Variants in FRAS1 observed in about 807,000 individuals in gnomAD.
The protein encoded by FRAS1 is Fraser extracellular matrix complex subunit 1, also known as extracellular matrix organizing protein FRAS1.
Under a neutral mutation model 435.2 loss-of-function variants are expected in FRAS1, and 290 were observed. The ratio of observed to expected loss-of-function variants is 0.67; its 90% CI spans 0.61 to 0.73. FRAS1 has a LOEUF of 0.73. FRAS1 is among the 30% of genes least tolerant of loss of function. The pLI, the probability that FRAS1 is intolerant of heterozygous loss-of-function variation, is 0.00. For missense variants in FRAS1, 4,860 were observed against 5,001.5 expected, an observed-to-expected ratio of 0.97 and a Z score of 0.85; for synonymous variants, 1,800 against 1,851.0, an observed-to-expected ratio of 0.97 and a Z score of 0.71.
In FRAS1 at chr4:78,282,875, A is replaced by G. The variant is rs1327981161; in HGVS notation, c.1163A>G (p.Gln388Arg). 2 of 1,612,874 alleles carry G rather than the reference A, an allele frequency of 1.2e-6. No individual in the cohort carries two copies. Among genetic ancestry groups the G allele is most frequent in the Non-Finnish European group, 1.7e-6 (2 of 1,179,592 alleles). The change falls in exon 12 of 74, where the codon CAG becomes CGG. Residue 388 changes from glutamine to arginine, a missense_variant. Gln to Arg is a conservative substitution (Grantham distance 43, BLOSUM62 1). Transcript: ENST00000512123. ...PCKVCECRGAQVTCYEPSCPP... is the reference protein window; with the variant it reads ...PCKVCECRGARVTCYEPSCPP... Reference sequence around the variant, plus strand: ...AAGGTGTGTGAGTGCCGAGGGGCTCAGGTAACTTGCTACGAGCCCTCTTGC... The same window carrying G: ...AAGGTGTGTGAGTGCCGAGGGGCTCGGGTAACTTGCTACGAGCCCTCTTGC...
intron 30 of FRAS1, among the ~76,000 whole-genome samples, chr4:78,404,635 C>T (rs1733031748): frequency 1.3e-5 from 2 of 152,162 alleles, no homozygotes; most frequent in African/African-American, 2.4e-5. Flanking sequence ...TCGTTGATGC[C>T]TTCCTCTGTC....
intron 2 of FRAS1, among the ~76,000 whole-genome samples, chr4:78,078,742 CTGAGAA>C (rs1256971176): frequency 6.6e-6 from 1 of 151,886 alleles, no homozygotes. Flanking sequence ...ATTAAAGTGG[CTGAGAA>C]TAAGAATAGA....
At chr4:78,365,881 C>G (rs978326598) in intron 22 of FRAS1, among the ~76,000 whole-genome samples, 2 of 151,440 alleles carry the variant, frequency 1.3e-5, no homozygotes, top group Non-Finnish European at 2.9e-5. Flanking sequence ...AGGTGAATCG[C>G]TTGAACCTGG....
At chr4:78,097,298 T>C (rs1415930628) in intron 2 of FRAS1, among the ~76,000 whole-genome samples, 1 of 152,180 alleles carries the variant, frequency 6.6e-6, no homozygotes, top group Non-Finnish European at 1.5e-5. Context: ...TTCCAAACTT[T>C]CTCACATTTT....
intron 31 of FRAS1, among the ~76,000 whole-genome samples, chr4:78,408,637 A>AAACT (rs1458600220): frequency 5.3e-5 from 8 of 152,228 alleles, no homozygotes; most frequent in African/African-American, 1.9e-4. Flanking sequence ...TACTTGAGAA[A>AAACT]AACTTCTGTG....
At chr4:78,239,521 A>T (rs1001782457) in intron 3 of FRAS1, among the ~76,000 whole-genome samples, 6 of 152,162 alleles carry the variant, frequency 3.9e-5, no homozygotes, top group Non-Finnish European at 8.8e-5. Context: ...AATTGAACTC[A>T]GATCATGTTG....
chr4:78,073,135 C>G (rs1281528617), intron 2 of FRAS1, among the ~76,000 whole-genome samples: 1 of 152,132 alleles, frequency 6.6e-6, no homozygotes, highest in Non-Finnish European at 1.5e-5. Flanking sequence ...CTAGCTGTCT[C>G]TGAGAATTTT....
chr4:78,189,869 G>A lies in FRAS1; in HGVS notation c.109-47641G>A, dbSNP rs116891179. 7.8e-3 allele frequency among the ~76,000 whole-genome samples: 1,180 copies of A among 152,212 alleles called. 15 individuals are homozygous for A. The highest frequency in any genetic ancestry group is 0.027 in the Middle Eastern group (8 of 294). ...ATATAATTTTTGGCTAAAGCCAAAT[G>A]TCTCATAGTTGTTTCTAATTCTACC... is the stretch of plus-strand genomic sequence containing the variant. On this transcript the variant is annotated intron_variant, in intron 2 of 73. Coordinates refer to ENST00000512123, the MANE Select transcript of FRAS1 (RefSeq NM_025074.7).
chr4:78,153,828 T>C (rs1209169224), intron 2 of FRAS1, among the ~76,000 whole-genome samples: 1 of 152,240 alleles, frequency 6.6e-6, no homozygotes, highest in Admixed American at 6.5e-5. Flanking sequence ...TCCCTTGTCA[T>C]ATTCTGTGAA....
At position 78,158,267 on chromosome 4, in the gene FRAS1, G is replaced by T. The variant is rs11724842; in HGVS notation, c.109-79243G>T. Among the ~76,000 whole-genome samples, 1,520 of 152,222 alleles carry T rather than the reference G, an allele frequency of 1.0e-2. 28 individuals carry two copies. Among genetic ancestry groups the T allele is most frequent in the African/African-American group, 0.035 (1,434 of 41,526 alleles). ...GCATTCAATCTGTGGCTTGCTTTGC[G>T]CAGTATGGCCATTTTAATGATTTTG... On this transcript the variant is annotated intron_variant, in intron 2 of 73. Coordinates refer to ENST00000512123, the MANE Select transcript of FRAS1 (RefSeq NM_025074.7).
At chr4:78,478,104 A>G in intron 55 of FRAS1, 43 bp downstream of exon 55, 6 of 1,527,120 alleles carry the variant, frequency 3.9e-6, no homozygotes, top group Non-Finnish European at 4.4e-6. Flanking sequence ...AATAATTGCT[A>G]ACATTTATTG....
chr4:78,263,992 T>C (rs916896769), intron 6 of FRAS1, among the ~76,000 whole-genome samples: 1 of 152,190 alleles, frequency 6.6e-6, no homozygotes, highest in African/African-American at 2.4e-5. Context: ...GCAGCATGAA[T>C]ACCAGAGTAA....
chr4:78,411,975 G>A (rs1322351880), intron 31 of FRAS1, among the ~76,000 whole-genome samples: 2 of 152,160 alleles, frequency 1.3e-5, no homozygotes, highest in Non-Finnish European at 2.9e-5. Context: ...TATCTACTCT[G>A]TGGATACTAA....
At chr4:78,294,991 T>C (rs1362904982) in intron 14 of FRAS1, among the ~76,000 whole-genome samples, 2 of 152,220 alleles carry the variant, frequency 1.3e-5, no homozygotes. Context: ...TCTTTTTGTG[T>C]GTCTATACAC....
chr4:78,157,198 A>G (rs1244427722), intron 2 of FRAS1, among the ~76,000 whole-genome samples: 1 of 152,176 alleles, frequency 6.6e-6, no homozygotes, highest in Non-Finnish European at 1.5e-5. Context: ...ATATACATAT[A>G]TCACATTTTC....
intron 9 of FRAS1, among the ~76,000 whole-genome samples, chr4:78,273,923 G>A (rs367783537): frequency 7.9e-5 from 12 of 152,192 alleles, no homozygotes; most frequent in African/African-American, 2.6e-4. Context: ...GGTAGAATTC[G>A]GCTGTGAATC....
intron 13 of FRAS1, among the ~76,000 whole-genome samples, chr4:78,285,844 A>T (rs1386545346): frequency 1.3e-5 from 2 of 152,194 alleles, no homozygotes; most frequent in Non-Finnish European, 2.9e-5. Context: ...GATGTCTAGG[A>T]TACAGTGAAG....
At chr4:78,222,382 A>C (rs754876296) in intron 2 of FRAS1, among the ~76,000 whole-genome samples, 2 of 152,162 alleles carry the variant, frequency 1.3e-5, no homozygotes, top group Non-Finnish European at 2.9e-5. Context: ...ACTTCCCCAG[A>C]AACTCATTGT....
intron 2 of FRAS1, among the ~76,000 whole-genome samples, chr4:78,066,579 A>G (rs1008985062): frequency 2.0e-5 from 3 of 152,214 alleles, no homozygotes; most frequent in African/African-American, 4.8e-5. Context: ...AGTCTCATGC[A>G]TTTCTTTTCA....
Sources: gnomAD v4.1 joint callset for allele counts (sites outside exome capture counted in the v4.1 genomes callset) on GRCh38, gnomAD v4.1.1 for gene constraint, MANE v1.5 for transcripts, NCBI Gene and HGNC (gene_info 2026-07-23, HGNC 2026-07-21) for gene names.